Variants in TUSC3 observed in about 807,000 individuals in gnomAD.
The protein encoded by TUSC3 is tumor suppressor candidate 3.
A neutral mutation model predicts 44.8 loss-of-function variants in TUSC3; 45 were observed. The ratio of observed to expected loss-of-function variants is 1.00; its 90% CI spans 0.79 to 1.29. The LOEUF (loss-of-function observed/expected upper bound fraction) is 1.29, where lower values mean the gene tolerates loss of function less well. Among genes scored for constraint, TUSC3 ranks in the 50% most tolerant of loss-of-function variants. TUSC3 has a pLI of 0.00. For missense variants in TUSC3, 519 were observed against 437.9 expected, an observed-to-expected ratio of 1.19 and a Z score of -1.65; for synonymous variants, 212 against 152.9, an observed-to-expected ratio of 1.39 and a Z score of -2.85.
chr8:15,774,342 T>C, the TUSC3 span, among the ~76,000 whole-genome samples: 3 of 152,138 alleles, frequency 2.0e-5, no homozygotes, highest in Admixed American at 6.6e-5. Context: ...GAGGTCATAC[T>C]GGAATAAGAA....
At chr8:15,782,723 G>T in the TUSC3 span, among the ~76,000 whole-genome samples, 4 of 152,212 alleles carry the variant, frequency 2.6e-5, no homozygotes, top group East Asian at 7.7e-4. Flanking sequence ...ATTACTTACA[G>T]AAAGAATGTT....
At chr8:15,646,019 C>G (rs1018151204) in intron 2 of TUSC3, among the ~76,000 whole-genome samples, 2 of 152,070 alleles carry the variant, frequency 1.3e-5, no homozygotes, top group Non-Finnish European at 2.9e-5. Flanking sequence ...TTAAATGCCA[C>G]TTCTGTACTA....
At chr8:15,540,647 G>T (rs967050882) in intron 1 of TUSC3, 79 bp downstream of exon 1, 1 of 1,432,330 alleles carries the variant, frequency 7.0e-7, no homozygotes, top group Non-Finnish European at 9.2e-7. Flanking sequence ...GCCCTGCCGT[G>T]TTGCTAGGCA....
chr8:15,735,878 T>TG (rs1810912753), intron 7 of TUSC3, among the ~76,000 whole-genome samples: 2 of 33,082 alleles, frequency 6.0e-5, no homozygotes, highest in African/African-American at 1.9e-4. Context: ...GGGTTTTTTT[T>TG]TTTTGTTTTT....
At chr8:15,465,572 G>C (rs1362351032) in intron 1 of TUSC3, among the ~76,000 whole-genome samples, 2 of 152,106 alleles carry the variant, frequency 1.3e-5, no homozygotes, top group Admixed American at 6.6e-5. Context: ...AATAAAATGT[G>C]ATCAAAGTTT....
intron 5 of TUSC3, among the ~76,000 whole-genome samples, chr8:15,667,278 C>CT (rs1034744680): frequency 2.0e-5 from 3 of 151,172 alleles, no homozygotes; most frequent in East Asian, 1.9e-4. Context: ...CTTACCTTTC[C>CT]TTTTTTTTGT....
intron 2 of TUSC3, among the ~76,000 whole-genome samples, chr8:15,629,998 A>G (rs1805688969): frequency 7.4e-6 from 1 of 135,784 alleles, no homozygotes. Flanking sequence ...CACCTCCCTT[A>G]AGTGTTAGCT....
chr8:15,757,723 A>G (rs1811987906), intron 9 of TUSC3, 68 bp from the exon 10 acceptor site: 5 of 1,473,336 alleles, frequency 3.4e-6, no homozygotes, highest in Non-Finnish European at 4.8e-6. Context: ...AATATTGTAC[A>G]AATGGAAATT....
At chr8:15,654,236 A>T (rs895098837) in intron 3 of TUSC3, among the ~76,000 whole-genome samples, 1 of 152,204 alleles carries the variant, frequency 6.6e-6, no homozygotes, top group Non-Finnish European at 1.5e-5. Flanking sequence ...TTGTATTTAC[A>T]TGGTTGCTAT....
chr8:15,581,860 C>T (rs1563301636), intron 1 of TUSC3, among the ~76,000 whole-genome samples: 1 of 77,404 alleles, frequency 1.3e-5, no homozygotes, highest in East Asian at 6.5e-4. Context: ...TTGGAGCTTC[C>T]CGTTTACCTA....
At chr8:15,484,738 C>G (rs953791577) in intron 2 of TUSC3, among the ~76,000 whole-genome samples, 2 of 152,150 alleles carry the variant, frequency 1.3e-5, no homozygotes, top group East Asian at 1.9e-4. Flanking sequence ...TAAGCTGAAA[C>G]TGCGCAAAGC....
At chr8:15,474,742 A>G (rs957375817) in intron 1 of TUSC3, among the ~76,000 whole-genome samples, 8 of 152,216 alleles carry the variant, frequency 5.3e-5, no homozygotes, top group African/African-American at 1.9e-4. Context: ...ATAAAAGAAT[A>G]CATTACAAAA....
chr8:15,589,674 TTACAG>T (rs1452248484), intron 1 of TUSC3, among the ~76,000 whole-genome samples: 2 of 151,974 alleles, frequency 1.3e-5, no homozygotes, highest in African/African-American at 2.4e-5. Context: ...TAAAACATCT[TTACAG>T]TATAAAGAAA....
chr8:15,453,448 TA>T (rs1381844621), intron 1 of TUSC3, among the ~76,000 whole-genome samples: 2 of 152,146 alleles, frequency 1.3e-5, no homozygotes, highest in African/African-American at 4.8e-5. Context: ...CATCTTTAAA[TA>T]AAAAACGGTG....
At chr8:15,604,156 G>C (rs992921990) in intron 1 of TUSC3, among the ~76,000 whole-genome samples, 1 of 151,604 alleles carries the variant, frequency 6.6e-6, no homozygotes, top group East Asian at 1.9e-4. Flanking sequence ...TTGAGATAGA[G>C]TATTATGCAA....
chr8:15,620,230 A>T (rs902608769), intron 1 of TUSC3, among the ~76,000 whole-genome samples: 6 of 152,212 alleles, frequency 3.9e-5, no homozygotes, highest in African/African-American at 1.2e-4. Flanking sequence ...TACATTGCAG[A>T]TAGCGTTAGA....
At chr8:15,725,738 T>C (rs1810471778) in intron 6 of TUSC3, among the ~76,000 whole-genome samples, 1 of 152,196 alleles carries the variant, frequency 6.6e-6, no homozygotes, top group Non-Finnish European at 1.5e-5. Context: ...AGCTTAACAA[T>C]TTGAAGTTTA....
chr8:15,769,847 C>T (rs1475435298), downstream of TUSC3, among the ~76,000 whole-genome samples: 2 of 152,134 alleles, frequency 1.3e-5, no homozygotes, highest in Non-Finnish European at 2.9e-5. Context: ...TAGAGAGATG[C>T]AAATTAAAAC....
chr8:15,686,483 A>G (rs993740242), intron 6 of TUSC3, among the ~76,000 whole-genome samples: 3 of 151,980 alleles, frequency 2.0e-5, no homozygotes, highest in Non-Finnish European at 4.4e-5. Context: ...AAAATTTATC[A>G]TCGAGGCATT....
Sources: allele counts gnomAD v4.1 joint callset (sites outside exome capture counted in the v4.1 genomes callset), GRCh38; gene constraint gnomAD v4.1.1; transcripts MANE v1.5; gene names NCBI Gene and HGNC (gene_info 2026-07-23, HGNC 2026-07-21).